Variants in D2HGDH observed in about 807,000 individuals in gnomAD.
D2HGDH encodes the protein D-2-hydroxyglutarate dehydrogenase, mitochondrial.
A neutral mutation model predicts 46.9 loss-of-function variants in D2HGDH; 31 were observed. The observed-to-expected ratio is 0.66, with a 90% CI of 0.50 to 0.89. D2HGDH has a LOEUF of 0.89. Among genes scored for constraint, D2HGDH ranks in the 40% least tolerant of loss-of-function variants. D2HGDH has a pLI of 0.00. For synonymous variants in D2HGDH, 364 were observed against 332.6 expected, an observed-to-expected ratio of 1.09 and a Z score of -1.03; for missense variants, 698 against 720.8, an observed-to-expected ratio of 0.97 and a Z score of 0.36.
At chr2:241,736,727 T>C (rs78341235) in intron 2 of D2HGDH, among the ~76,000 whole-genome samples, 45,623 of 150,742 alleles carry the variant, frequency 0.3, 7,104 homozygotes, top group Non-Finnish European at 0.33. Flanking sequence ...TGGAGTGCAA[T>C]GGTGCAATCT....
At position 241,750,131 on chromosome 2, in the gene D2HGDH, C is replaced by G; in HGVS notation, c.854-20C>G. ...GGGTTTAGCTCCGTGTGGTGCTTGA[C>G]ATGCTGTGACCCGTTTCAGGCTGCC... On this transcript the variant is annotated intron_variant, in intron 6 of 9. Coordinates refer to ENST00000321264, the MANE Select transcript of D2HGDH (RefSeq NM_152783.5). The G allele has an allele frequency of 6.2e-7, 1 of 1,613,804 alleles. No homozygotes were observed. Among genetic ancestry groups the G allele is most frequent in the Non-Finnish European group, 8.5e-7 (1 of 1,180,028 alleles).
At chr2:241,767,689 C>T (rs777800700) in intron 9 of D2HGDH, 21 bp from the exon 10 acceptor site, 10 of 1,612,184 alleles carry the variant, frequency 6.2e-6, no homozygotes. Context: ...CAGCCTGACC[C>T]ATGTGCCCTT....
chr2:241,749,933 TGC>T, intron 6 of D2HGDH: 1 of 639,800 alleles, frequency 1.6e-6, no homozygotes, highest in South Asian at 1.8e-5. Flanking sequence ...ACACTAGGTG[TGC>T]ACCTACCCCT....
chr2:241,749,169 A>C, intron 6 of D2HGDH: 2 of 830,638 alleles, frequency 2.4e-6, no homozygotes, highest in Non-Finnish European at 3.1e-6. Flanking sequence ...CAAGATGCCC[A>C]GTCCCCACCG....
intron 6 of D2HGDH, chr2:241,748,723 C>T (rs1559373647): frequency 7.1e-6 from 6 of 849,222 alleles, no homozygotes; most frequent in South Asian, 5.0e-5. Flanking sequence ...TGGTGGGGCT[C>T]CTCACCACCT....
chr2:241,755,596 G>A, intron 8 of D2HGDH: 1 of 1,495,982 alleles, frequency 6.7e-7, no homozygotes, highest in Non-Finnish European at 9.0e-7. Context: ...TCACTGTCTG[G>A]GATTGATTCC....
At chr2:241,750,438 G>T in intron 7 of D2HGDH, 144 bp downstream of exon 7, 2 of 1,019,902 alleles carry the variant, frequency 2.0e-6, no homozygotes, top group South Asian at 1.5e-5. Context: ...TGGAGTGGCC[G>T]TTGGGCTCAT....
At position 241,742,212 on chromosome 2, in the gene D2HGDH, C is replaced by T. The variant is rs1320514943; in HGVS notation, c.351-223C>T. On this transcript the variant is annotated intron_variant, in intron 3 of 9. Coordinates refer to ENST00000321264, the MANE Select transcript of D2HGDH (RefSeq NM_152783.5). The surrounding 1 kb of genome is among the most constrained non-coding windows in gnomAD (Gnocchi z 4.8). ...GGGAAGCCTTGTAGGACGTCAGAATCGGGGCCTCCACTTCCGTCTCCCTGT... is the reference window on the plus strand; with the variant it reads ...GGGAAGCCTTGTAGGACGTCAGAATTGGGGCCTCCACTTCCGTCTCCCTGT... Among the ~76,000 whole-genome samples, 9 of 152,096 alleles carry T rather than the reference C, an allele frequency of 5.9e-5. No individual in the cohort carries two copies. Among genetic ancestry groups the T allele is most frequent in the Non-Finnish European group, 1.2e-4 (8 of 68,004 alleles).
intron 6 of D2HGDH, among the ~76,000 whole-genome samples, chr2:241,747,063 G>A (rs1302726320): frequency 1.3e-5 from 2 of 151,990 alleles, no homozygotes; most frequent in African/African-American, 2.4e-5. Context: ...CCATCCTCTT[G>A]AGTAGCTGGG....
intron 9 of D2HGDH, among the ~76,000 whole-genome samples, chr2:241,759,547 T>C (rs1698540300): frequency 6.6e-6 from 1 of 152,222 alleles, no homozygotes; most frequent in African/African-American, 2.4e-5. Flanking sequence ...CCTTAGTGAT[T>C]TAGATGTGTT....
chr2:241,765,197 TC>T (rs1383026177), intron 9 of D2HGDH, among the ~76,000 whole-genome samples: 1 of 152,186 alleles, frequency 6.6e-6, no homozygotes, highest in East Asian at 1.9e-4. Context: ...TCTGGACTCT[TC>T]CAGGTCAGGA....
chr2:241,750,155 C>A lies in D2HGDH; in HGVS notation c.858C>A (p.Cys286Ter), dbSNP rs751827106. ...PRAVNVAFLG[C>*]PGFAEVLQTF... ...ACATGCTGTGACCCGTTTCAGGCTG[C>A]CCAGGCTTTGCTGAGGTTCTGCAGA... Residue 286 changes from cysteine to a stop codon, truncating the protein, a stop_gained, in exon 7 of 10, where the codon TGC becomes TGA. Coordinates refer to ENST00000321264, the MANE Select transcript of D2HGDH (RefSeq NM_152783.5). LOFTEE classifies it high-confidence loss of function. 3 of 1,614,034 alleles carry A rather than the reference C, an allele frequency of 1.9e-6. No individual in the cohort carries two copies. In the Admixed American group the frequency reaches 5.0e-5, roughly 27 times the overall value.
At chr2:241,752,078 GAGGCGCCC>G (rs1697346210) in intron 8 of D2HGDH, among the ~76,000 whole-genome samples, 1 of 131,590 alleles carries the variant, frequency 7.6e-6, no homozygotes, top group Non-Finnish European at 1.7e-5. Flanking sequence ...TGGGCAGTGG[GAGGCGCCC>G]TTGGTCACCG....
Position 241,744,839 on chromosome 2 carries a change from G to A in D2HGDH, c.815G>A (p.Cys272Tyr). The A allele has an allele frequency of 3.7e-6, 6 of 1,614,086 alleles. No individual in the cohort carries two copies. Among genetic ancestry groups the A allele is most frequent in the Non-Finnish European group, 5.1e-6 (6 of 1,180,002 alleles). The change falls in exon 6 of 10, where the codon TGT becomes TAT. Residue 272 changes from cysteine to tyrosine, a missense_variant. Transcript: ENST00000321264. ...LGIITTVSIL[C>Y]PPKPRAVNVA... ...ATCATCACCACGGTGTCCATCTTGT[G>A]TCCACCCAAGCCCAGGGCTGTGAAC...
chr2:241,744,955 A>T, intron 6 of D2HGDH, 78 bp downstream of exon 6: 1 of 1,582,306 alleles, frequency 6.3e-7, no homozygotes, highest in African/African-American at 1.4e-5. Flanking sequence ...TGTTGGTGTG[A>T]GGAAGGGGAT....
intron 8 of D2HGDH, among the ~76,000 whole-genome samples, chr2:241,753,125 G>A (rs1312462802): frequency 1.3e-5 from 2 of 152,234 alleles, no homozygotes; most frequent in Admixed American, 1.3e-4. Flanking sequence ...TCCTGGGACG[G>A]GTTCAGGAGA....
chr2:241,762,283 G>A (rs1698900310), intron 9 of D2HGDH, among the ~76,000 whole-genome samples: 1 of 152,036 alleles, frequency 6.6e-6, no homozygotes, highest in South Asian at 2.1e-4. Context: ...TATTGGCCAG[G>A]CTGGTCTCGA....
intron 9 of D2HGDH, among the ~76,000 whole-genome samples, chr2:241,762,103 G>A (rs1253981714): frequency 2.5e-5 from 3 of 120,606 alleles, no homozygotes; most frequent in East Asian, 2.5e-4. Flanking sequence ...ATGGAGTCCC[G>A]CTCTGTCACC....
intron 6 of D2HGDH, among the ~76,000 whole-genome samples, chr2:241,746,614 G>GC (rs1179359852): frequency 6.6e-6 from 1 of 151,996 alleles, no homozygotes; most frequent in Non-Finnish European, 1.5e-5. Context: ...ATTAGGCTGG[G>GC]CACAGTAGTT....
Sources: gnomAD v4.1 joint callset for allele counts (sites outside exome capture counted in the v4.1 genomes callset) on GRCh38, gnomAD v4.1.1 for gene constraint, Gnocchi (gnomAD v3.1) non-coding constraint, MANE v1.5 for transcripts, NCBI Gene and HGNC (gene_info 2026-07-23, HGNC 2026-07-21) for gene names.